Variants in RAP1GDS1 observed in about 807,000 individuals in gnomAD.
RAP1GDS1 encodes RAP1, GTP-GDP dissociation stimulator 1.
RAP1GDS1 carries 35 observed loss-of-function variants against 71.1 expected under a neutral mutation model. That is an observed-to-expected ratio of 0.49 (90% CI 0.38 to 0.65). The LOEUF (loss-of-function observed/expected upper bound fraction) is 0.65. RAP1GDS1 is among the 30% of genes least tolerant of loss of function. RAP1GDS1 has a pLI of 0.00. For synonymous variants in RAP1GDS1, 229 were observed against 243.1 expected (o/e 0.94, Z 0.54); for missense variants, 663 against 706.1 (o/e 0.94, Z 0.69).
At chr4:98,368,485 C>T (rs1739865758) in intron 4 of RAP1GDS1, among the ~76,000 whole-genome samples, 1 of 152,050 alleles carries the variant, frequency 6.6e-6, no homozygotes, top group Non-Finnish European at 1.5e-5. Context: ...TTCAGGAAGT[C>T]ATAAATAAAT....
intron 2 of RAP1GDS1, among the ~76,000 whole-genome samples, chr4:98,306,326 T>A (rs189083863): frequency 2.0e-5 from 3 of 152,174 alleles, no homozygotes; most frequent in African/African-American, 7.2e-5. Flanking sequence ...CCATACCTCA[T>A]TGATGGTACC....
At chr4:98,391,552 A>C (rs1244818200) in intron 5 of RAP1GDS1, among the ~76,000 whole-genome samples, 1 of 151,998 alleles carries the variant, frequency 6.6e-6, no homozygotes, top group South Asian at 2.1e-4. Context: ...TAAACTTGCT[A>C]CTTTTCTCAT....
chr4:98,284,232 T>C (rs1725643259), intron 1 of RAP1GDS1, among the ~76,000 whole-genome samples: 1 of 152,146 alleles, frequency 6.6e-6, no homozygotes, highest in Non-Finnish European at 1.5e-5. Context: ...GTAGGGTTTT[T>C]TCCCCTTTTA....
intron 4 of RAP1GDS1, among the ~76,000 whole-genome samples, chr4:98,360,426 T>C (rs920346143): frequency 4.0e-5 from 6 of 150,870 alleles, no homozygotes; most frequent in African/African-American, 1.5e-4. Context: ...TAAGAGGACT[T>C]AGGTAGGGTG....
In RAP1GDS1 at chr4:98,428,580, A is replaced by C. The variant is rs180733699; in HGVS notation, c.1441-5356A>C. On this transcript the variant is annotated intron_variant, in intron 12 of 14. Transcript: ENST00000408927. ...AGTAATGAAGATATACAAATGGCCA[A>C]CTTATGAAAAAATGCTCAGCATCAC... is the stretch of plus-strand genomic sequence containing the variant. Among the ~76,000 whole-genome samples, 175 of 152,356 alleles carry C rather than the reference A, an allele frequency of 1.1e-3. 1 individual carries two copies. The South Asian group carries it at 0.018, about 16-fold the overall frequency.
At chr4:98,327,947 A>G (rs1453860389) in intron 2 of RAP1GDS1, among the ~76,000 whole-genome samples, 2 of 152,224 alleles carry the variant, frequency 1.3e-5, no homozygotes, top group Non-Finnish European at 2.9e-5. Context: ...TTTAACAAGT[A>G]ACAGATACAA....
At chr4:98,280,414 G>T (rs1724901581) in intron 1 of RAP1GDS1, among the ~76,000 whole-genome samples, 1 of 152,138 alleles carries the variant, frequency 6.6e-6, no homozygotes, top group Non-Finnish European at 1.5e-5. Context: ...CTTCTTTTGA[G>T]AAGTGTCTGT....
intron 1 of RAP1GDS1, among the ~76,000 whole-genome samples, chr4:98,272,080 A>G (rs932741185): frequency 6.6e-6 from 1 of 152,192 alleles, no homozygotes; most frequent in African/African-American, 2.4e-5. Flanking sequence ...ACCATCAAGC[A>G]TAGGCTGACA....
At chr4:98,316,003 G>A (rs1239447056) in intron 2 of RAP1GDS1, among the ~76,000 whole-genome samples, 1 of 152,012 alleles carries the variant, frequency 6.6e-6, no homozygotes, top group Non-Finnish European at 1.5e-5. Context: ...AATGTTGAAG[G>A]GTCCAGTTAA....
chr4:98,438,299 T>C (rs1751418653), intron 14 of RAP1GDS1, among the ~76,000 whole-genome samples: 1 of 151,776 alleles, frequency 6.6e-6, no homozygotes, highest in Non-Finnish European at 1.5e-5. Flanking sequence ...CATCCTACTT[T>C]CTTTTGAATA....
chr4:98,411,789 C>T (rs539717256), intron 7 of RAP1GDS1, among the ~76,000 whole-genome samples: 58 of 152,250 alleles, frequency 3.8e-4, no homozygotes, highest in African/African-American at 1.2e-3. Flanking sequence ...TCCCAGTACA[C>T]GAAGGAGAGT....
intron 4 of RAP1GDS1, among the ~76,000 whole-genome samples, chr4:98,363,026 A>T (rs1264688548): frequency 6.6e-6 from 1 of 152,162 alleles, no homozygotes. Flanking sequence ...TACAGAAAAG[A>T]TATTTATAGA....
intron 7 of RAP1GDS1, among the ~76,000 whole-genome samples, chr4:98,415,610 G>A (rs1578802945): frequency 6.6e-6 from 1 of 152,244 alleles, no homozygotes; most frequent in South Asian, 2.1e-4. Flanking sequence ...AGTGAAATAA[G>A]TGTTATAATG....
chr4:98,302,167 G>A (rs1728663730), intron 2 of RAP1GDS1, among the ~76,000 whole-genome samples: 1 of 152,126 alleles, frequency 6.6e-6, no homozygotes, highest in South Asian at 2.1e-4. Context: ...CATCTGTGTT[G>A]CAGTTATCAT....
intron 4 of RAP1GDS1, among the ~76,000 whole-genome samples, chr4:98,359,237 C>T (rs1000714701): frequency 6.6e-6 from 1 of 151,830 alleles, no homozygotes; most frequent in Non-Finnish European, 1.5e-5. Flanking sequence ...TGGGTTAGGA[C>T]CTAGGGACAA....
At chr4:98,414,983 G>A (rs1747716309) in intron 7 of RAP1GDS1, among the ~76,000 whole-genome samples, 1 of 152,050 alleles carries the variant, frequency 6.6e-6, no homozygotes, top group Admixed American at 6.6e-5. Context: ...AAGCAATTGT[G>A]AATAGGAATT....
chr4:98,362,690 G>A (rs993823032), intron 4 of RAP1GDS1, among the ~76,000 whole-genome samples: 3 of 152,122 alleles, frequency 2.0e-5, no homozygotes, highest in Non-Finnish European at 2.9e-5. Context: ...ATCTCTTTGA[G>A]TGTGAAAACT....
chr4:98,285,899 C>CATAAAT (rs1553961451), intron 1 of RAP1GDS1, among the ~76,000 whole-genome samples: 6 of 145,846 alleles, frequency 4.1e-5, no homozygotes, highest in Admixed American at 2.1e-4. Context: ...TGTAAATAAA[C>CATAAAT]ATTATAAATT....
Position 98,357,592 on chromosome 4 carries a change from A to T in RAP1GDS1, c.361+4991A>T, listed in dbSNP as rs185020235. ...TTTAAATGGTAGAGAAAATAAAATG[A>T]ACAAAGGAACACAACCTGAGGACAA... On this transcript the variant is annotated intron_variant, in intron 4 of 14. Coordinates refer to ENST00000408927, the MANE Select transcript of RAP1GDS1 (RefSeq NM_001100427.2). Among the ~76,000 whole-genome samples the T allele has an allele frequency of 1.3e-3, 199 of 152,074 alleles. 6 individuals are homozygous for T. The East Asian group carries it at 0.038, about 29-fold the overall frequency.
Sources: allele counts gnomAD v4.1 joint callset (sites outside exome capture counted in the v4.1 genomes callset), GRCh38; gene constraint gnomAD v4.1.1; transcripts MANE v1.5; gene names NCBI Gene and HGNC (gene_info 2026-07-23, HGNC 2026-07-21).